ZNF512: variants seen among roughly 807,000 people sequenced by gnomAD.
ZNF512 encodes zinc finger protein 512.
In ZNF512, 25 loss-of-function variants were observed where a neutral mutation model predicts 77.5. That is an observed-to-expected ratio of 0.32 (90% CI 0.23 to 0.45). ZNF512 has a LOEUF of 0.45. Among genes scored for constraint, ZNF512 ranks in the 20% least tolerant of loss-of-function variants. The pLI, the probability that ZNF512 is intolerant of heterozygous loss-of-function variation, is 1.00. For synonymous variants in ZNF512, 246 were observed against 239.9 expected (o/e 1.03, Z -0.24); for missense variants, 483 against 692.6 (o/e 0.70, Z 3.40).
chr2:27,583,099 G>A lies in ZNF512; in HGVS notation c.-14G>A. 11 of 1,614,146 alleles carry A rather than the reference G, an allele frequency of 6.8e-6. No individual in the cohort carries two copies. Among genetic ancestry groups the A allele is most frequent in the Non-Finnish European group, 9.3e-6 (11 of 1,180,032 alleles). ...GAGCCCTTGGGTGAAATTGTTAGGCGTGGAGAGGGAGTGATGTCTTCCAGA... is the reference window on the plus strand; with the variant it reads ...GAGCCCTTGGGTGAAATTGTTAGGCATGGAGAGGGAGTGATGTCTTCCAGA... On this transcript the variant is annotated 5_prime_UTR_variant, in exon 1 of 14. It adds an upstream start codon to the 5' untranslated region. Transcript: ENST00000355467.
intron 10 of ZNF512, among the ~76,000 whole-genome samples, chr2:27,610,560 A>G (rs1672594234): frequency 6.8e-5 from 2 of 29,370 alleles, no homozygotes; most frequent in African/African-American, 2.4e-4. Flanking sequence ...ATATATATAT[A>G]TATATATATT....
At position 27,601,394 on chromosome 2, in the gene ZNF512, T is replaced by C. The variant is rs1672109076; in HGVS notation, c.621T>C (p.Arg207=). ...GTCATCATTGTGGGAAACAACTTCGTTCACTGGCAGGGATGAAGTATCATG... is the reference window on the plus strand; with the variant it reads ...GTCATCATTGTGGGAAACAACTTCGCTCACTGGCAGGGATGAAGTATCATG... ...FTCHHCGKQL[R]SLAGMKYHVM... is the part of the protein sequence containing the mutation. Residue 207 remains arginine (R), a synonymous_variant, in exon 7 of 14, where the codon CGT becomes CGC. Coordinates refer to ENST00000355467, the MANE Select transcript of ZNF512 (RefSeq NM_032434.4). The C allele has an allele frequency of 6.2e-7, 1 of 1,614,158 alleles. No homozygotes were observed. The highest frequency in any genetic ancestry group is 1.3e-5 in the African/African-American group (1 of 75,066).
chr2:27,603,573 A>AGTGTGTGTGTATGTGTGTGT (rs1672218982), intron 9 of ZNF512, among the ~76,000 whole-genome samples: 1 of 133,176 alleles, frequency 7.5e-6, no homozygotes, highest in African/African-American at 3.1e-5. Context: ...ATTTTTATAT[A>AGTGTGTGTGTATGTGTGTGT]GTGTGTGTGT....
chr2:27,603,369 C>A (rs1252363125), intron 9 of ZNF512, 62 bp downstream of exon 9: 11 of 1,550,760 alleles, frequency 7.1e-6, no homozygotes, highest in Non-Finnish European at 6.2e-6. Flanking sequence ...GTCCTTACCC[C>A]TCTATCTTCC....
Position 27,600,000 on chromosome 2 carries a change from A to G in ZNF512, c.404A>G (p.Asn135Ser), listed in dbSNP as rs1672044436. 6 of 1,614,228 alleles carry G rather than the reference A, an allele frequency of 3.7e-6. No homozygotes were observed. Among genetic ancestry groups the G allele is most frequent in the Non-Finnish European group, 5.1e-6 (6 of 1,180,038 alleles). The change falls in exon 5 of 14, where the codon AAT (asparagine) becomes AGT (serine). Residue 135 changes from asparagine (N) to serine (S), a missense_variant. Asn to Ser is a conservative substitution (Grantham distance 46, BLOSUM62 1). This residue lies in a region of ZNF512 where 159 missense variants were observed against 167.5 expected (regional missense o/e 0.95). Coordinates refer to ENST00000355467, the MANE Select transcript of ZNF512 (RefSeq NM_032434.4). ...GRKQRPKTQP[N>S]PKSQARRIRK... ...AAGCAACGGCCTAAAACTCAGCCCA[A>G]TCCCAAATCCCAGGCCCGTCGTATT... is the stretch of plus-strand genomic sequence containing the variant.
At chr2:27,620,815 C>T (rs1313694395) in intron 13 of ZNF512, among the ~76,000 whole-genome samples, 1 of 151,966 alleles carries the variant, frequency 6.6e-6, no homozygotes, top group African/African-American at 2.4e-5. Flanking sequence ...GTTACGATGC[C>T]GTCATGGAAT....
Position 27,599,843 on chromosome 2 carries a change from C to G in ZNF512, c.374-127C>G. The G allele has an allele frequency of 2.5e-6, 3 of 1,221,918 alleles. No homozygotes were observed. In the South Asian group the frequency reaches 3.9e-5, roughly 16 times the overall value. The allele number at this position is 1,221,918 out of a possible 1,614,324, so 75.7% of individuals were successfully genotyped here. On this transcript the variant is annotated intron_variant, in intron 4 of 13. Transcript: ENST00000355467. ...TCCTGCCTCATTATACCCTTTCATT[C>G]TGTCCTGACTTAGGCAGTCAGTCGG...
intron 11 of ZNF512, among the ~76,000 whole-genome samples, chr2:27,615,901 C>T (rs1210215993): frequency 1.3e-5 from 2 of 152,200 alleles, no homozygotes; most frequent in East Asian, 3.9e-4. Context: ...ATAGTAGATT[C>T]AGTACTTTGC....
intron 9 of ZNF512, among the ~76,000 whole-genome samples, chr2:27,604,224 G>C (rs1447433431): frequency 6.6e-6 from 1 of 152,170 alleles, no homozygotes; most frequent in Non-Finnish European, 1.5e-5. Context: ...ACTGTGCCCA[G>C]CCCCATTGTT....
chr2:27,613,963 G>A (rs1251981929), intron 10 of ZNF512, among the ~76,000 whole-genome samples: 1 of 151,898 alleles, frequency 6.6e-6, no homozygotes. Context: ...GTACTATGGA[G>A]CTGTAAAAAA....
chr2:27,595,732 AT>A (rs1158524123), intron 2 of ZNF512, among the ~76,000 whole-genome samples: 1 of 151,926 alleles, frequency 6.6e-6, no homozygotes, highest in African/African-American at 2.4e-5. Flanking sequence ...CAGATGTTGT[AT>A]TTTTCAGTTC....
chr2:27,603,573 A>AGTGTGTGTGTGTGTGTGTGTGTGTGTGT (rs11273312), intron 9 of ZNF512, among the ~76,000 whole-genome samples: 1,714 of 133,046 alleles, frequency 0.013, 35 homozygotes, highest in Middle Eastern at 0.016. Context: ...ATTTTTATAT[A>AGTGTGTGTGTGTGTGTGTGTGTGTGTGT]GTGTGTGTGT....
Position 27,593,195 on chromosome 2 carries a change from T to TACACACAC in ZNF512, c.90-4828_90-4821dup, listed in dbSNP as rs57568574. On this transcript the variant is annotated intron_variant, in intron 2 of 13. Transcript: ENST00000355467. ...GGACAACAAAGTGAGACCCTGTCTC[T>TACACACAC]ACACACACACACACACACACACACA... Among the ~76,000 whole-genome samples, 256 of 112,138 alleles carry TACACACAC rather than the reference T, an allele frequency of 2.3e-3. 2 individuals carry two copies. The highest frequency in any genetic ancestry group is 6.6e-3 in the East Asian group (24 of 3,648). The allele number at this position is 112,138 out of a possible 152,430, so 73.6% of individuals were successfully genotyped here.
intron 10 of ZNF512, among the ~76,000 whole-genome samples, chr2:27,608,298 A>G (rs1288847057): frequency 2.0e-5 from 3 of 152,100 alleles, no homozygotes; most frequent in Non-Finnish European, 2.9e-5. Flanking sequence ...CTTAGATTAG[A>G]TATTTGTGTA....
At chr2:27,610,570 T>A (rs201210923) in intron 10 of ZNF512, among the ~76,000 whole-genome samples, 788 of 14,036 alleles carry the variant, frequency 0.056, 29 homozygotes, top group African/African-American at 0.18. Flanking sequence ...ATATATATAT[T>A]TTTTTTTTTT....
In ZNF512 at chr2:27,600,191, A is replaced by AGACCTTT. The variant is rs1672054207; in HGVS notation, c.457+140_457+146dup. 6.4e-6 allele frequency: 6 copies of AGACCTTT among 940,244 alleles called. No individual in the cohort carries two copies. In the South Asian group the frequency reaches 9.4e-5, roughly 15 times the overall value. The allele number at this position is 940,244 out of a possible 1,614,324, so 58.2% of individuals were successfully genotyped here. ...TAAGGGCTCTAGTTTGGAGTCAGACAGACCTTTGCTCAAGTTTTGGCTCTT... is the reference window on the plus strand; with the variant it reads ...TAAGGGCTCTAGTTTGGAGTCAGACAGACCTTTGACCTTTGCTCAAGTTTTGGCTCTT... On this transcript the variant is annotated intron_variant, in intron 5 of 13. Coordinates refer to ENST00000355467, the MANE Select transcript of ZNF512 (RefSeq NM_032434.4).
chr2:27,613,291 A>AGG (rs1672743181), intron 10 of ZNF512, among the ~76,000 whole-genome samples: 6 of 152,004 alleles, frequency 3.9e-5, no homozygotes, highest in Admixed American at 2.6e-4. Flanking sequence ...AGGTCAAGAG[A>AGG]TTAAGACCAT....
intron 10 of ZNF512, among the ~76,000 whole-genome samples, chr2:27,613,740 C>A (rs1672763226): frequency 6.6e-6 from 1 of 152,030 alleles, no homozygotes; most frequent in Admixed American, 6.6e-5. Flanking sequence ...AGTTCAAACT[C>A]ATGTTGTTCA....
intron 2 of ZNF512, among the ~76,000 whole-genome samples, chr2:27,595,303 C>CTTTTTT (rs1296299471): frequency 1.0e-4 from 14 of 134,066 alleles, no homozygotes; most frequent in East Asian, 4.4e-4. Context: ...CTTTTCTTTT[C>CTTTTTT]TTTTTTTTTT....
Sources: gnomAD v4.1 joint callset for allele counts (sites outside exome capture counted in the v4.1 genomes callset) on GRCh38, gnomAD v4.1.1 for gene constraint, gnomAD v4.1.1 regional missense constraint, MANE v1.5 for transcripts, NCBI Gene and HGNC (gene_info 2026-07-23, HGNC 2026-07-21) for gene names.